Variants in PLAC1 observed in about 807,000 individuals in gnomAD.
The protein encoded by PLAC1 is placenta-specific protein 1.
For missense variants in PLAC1, 136 were observed against 163.2 expected (o/e 0.83, Z 0.91); for synonymous variants, 68 against 62.1 (o/e 1.09, Z -0.44).
At chrX:134,722,980 A>G in intron 2 of PLAC1, among the ~76,000 whole-genome samples, 1 of 94,491 alleles carries the variant, frequency 1.1e-5, no homozygotes, top group South Asian at 4.2e-4. Context: ...ACTTTGTCTC[A>G]AAAAAAAAAA....
intron 1 of PLAC1, among the ~76,000 whole-genome samples, chrX:134,738,651 C>A (rs1046529154): frequency 1.2e-4 from 13 of 112,506 alleles, no homozygotes; most frequent in Non-Finnish European, 3.8e-5. Flanking sequence ...CTGGAAAAGT[C>A]CCACCCCAAT....
chrX:134,633,426 C>T (rs777882421), intron 1 of PLAC1, among the ~76,000 whole-genome samples: 2 of 111,714 alleles, frequency 1.8e-5, no homozygotes, highest in East Asian at 2.8e-4. Context: ...TTCCAGTAGG[C>T]GTATAGTTGG....
chrX:134,630,937 C>G (rs751908103), intron 1 of PLAC1, among the ~76,000 whole-genome samples: 36 of 111,557 alleles, frequency 3.2e-4, no homozygotes, highest in African/African-American at 1.1e-3. Flanking sequence ...ACAGTGGGTA[C>G]TCAAAGAATA....
chrX:134,693,034 T>A (rs2078549590), intron 2 of PLAC1, among the ~76,000 whole-genome samples: 2 of 112,033 alleles, frequency 1.8e-5, no homozygotes, highest in Non-Finnish European at 3.8e-5. Context: ...GTAAAAAATC[T>A]CAAACAATTC....
intron 2 of PLAC1, among the ~76,000 whole-genome samples, chrX:134,673,260 G>A (rs1464417302): frequency 9.6e-6 from 1 of 103,647 alleles, no homozygotes; most frequent in African/African-American, 3.5e-5. Context: ...AGGGAGGGAA[G>A]GAGGGAGGGA....
intron 1 of PLAC1, among the ~76,000 whole-genome samples, chrX:134,624,819 G>T (rs1431603981): frequency 2.7e-5 from 3 of 110,762 alleles, no homozygotes. Flanking sequence ...TCAGAAAAAA[G>T]GTGTCAGCAT....
chrX:134,597,985 TAGTC>T (rs1219956185), intron 2 of PLAC1, among the ~76,000 whole-genome samples: 1 of 111,654 alleles, frequency 9.0e-6, no homozygotes, highest in East Asian at 2.8e-4. Context: ...TCAAGGTCCT[TAGTC>T]AGTCTATCTT....
chrX:134,686,903 G>A lies in PLAC1; in HGVS notation n.174+46532C>T, dbSNP rs111360989. ...GAAACCAATGGGATGAATTAATCCC[G>A]ACACAGAATTGGGTGGTAATGCAAG... On this transcript the variant is annotated intron_variant and non_coding_transcript_variant, in intron 2 of 2. Coordinates refer to the PLAC1 transcript ENST00000466797. Among the ~76,000 whole-genome samples the A allele has an allele frequency of 6.9e-3, 768 of 111,147 alleles. 3 individuals are homozygous for A. Among genetic ancestry groups the A allele is most frequent in the African/African-American group, 0.023 (703 of 30,567 alleles).
intron 1 of PLAC1, among the ~76,000 whole-genome samples, chrX:134,750,923 A>T (rs868576951): frequency 9.9e-5 from 2 of 20,235 alleles, no homozygotes; most frequent in East Asian, 2.5e-3. Flanking sequence ...ATATATATAT[A>T]TTTTTATATA....
chrX:134,570,672 C>T (rs984846488), intron 2 of PLAC1, among the ~76,000 whole-genome samples: 2 of 111,914 alleles, frequency 1.8e-5, no homozygotes, highest in African/African-American at 6.5e-5. Flanking sequence ...TGGTACACAG[C>T]GTCCTGAACT....
At chrX:134,573,354 A>G (rs1243750149) in intron 2 of PLAC1, among the ~76,000 whole-genome samples, 5 of 111,827 alleles carry the variant, frequency 4.5e-5, no homozygotes, top group African/African-American at 1.3e-4. Context: ...AGAAAACTAC[A>G]CCCTTTTCCA....
intron 2 of PLAC1, among the ~76,000 whole-genome samples, chrX:134,569,739 A>AGTGTGTGTGTGTGTGTGTGTGTGTGTGT (rs749953575): frequency 3.9e-4 from 28 of 72,149 alleles, no homozygotes; most frequent in South Asian, 1.0e-3. Context: ...AGGGTAGAGT[A>AGTGTGTGTGTGTGTGTGTGTGTGTGTGT]GTGTGTGTGT....
chrX:134,678,490 A>G (rs746457962), intron 2 of PLAC1, among the ~76,000 whole-genome samples: 3 of 111,504 alleles, frequency 2.7e-5, no homozygotes, highest in Non-Finnish European at 5.7e-5. Context: ...GATTTCCCTG[A>G]GCGCCCTATC....
intron 1 of PLAC1, among the ~76,000 whole-genome samples, chrX:134,623,562 CTCA>C (rs1432404153): frequency 8.0e-5 from 9 of 112,357 alleles, no homozygotes; most frequent in Non-Finnish European, 1.9e-5. Flanking sequence ...GGTTAATTAA[CTCA>C]CTGGAGGTAA....
At chrX:134,593,838 G>A (rs1037736967) in intron 2 of PLAC1, among the ~76,000 whole-genome samples, 1 of 111,704 alleles carries the variant, frequency 9.0e-6, no homozygotes, top group African/African-American at 3.2e-5. Flanking sequence ...AGACCATCAT[G>A]TCATCTGAAA....
chrX:134,743,368 C>T (rs2078721758), intron 1 of PLAC1, among the ~76,000 whole-genome samples: 1 of 111,637 alleles, frequency 9.0e-6, no homozygotes, highest in Non-Finnish European at 1.9e-5. Flanking sequence ...TAATTCAATT[C>T]CATCAGCATT....
chrX:134,576,014 C>T (rs1277067927), intron 2 of PLAC1, among the ~76,000 whole-genome samples: 1 of 108,151 alleles, frequency 9.2e-6, no homozygotes, highest in Non-Finnish European at 1.9e-5. Context: ...TTTCCCCCCA[C>T]TGGTAATCTA....
At chrX:134,617,931 G>A (rs1225313886) in intron 1 of PLAC1, among the ~76,000 whole-genome samples, 1 of 111,764 alleles carries the variant, frequency 8.9e-6, no homozygotes, top group African/African-American at 3.3e-5. Context: ...TGCAATAAGT[G>A]GCTTCTCCAG....
intron 2 of PLAC1, among the ~76,000 whole-genome samples, chrX:134,720,435 T>C (rs1455758375): frequency 4.5e-5 from 5 of 109,987 alleles, no homozygotes; most frequent in Admixed American, 9.7e-5. Context: ...ACGGATTCAG[T>C]GTAATCTCTA....
Sources: gnomAD v4.1 joint callset for allele counts (sites outside exome capture counted in the v4.1 genomes callset) on GRCh38, gnomAD v4.1.1 for gene constraint, MANE v1.5 for transcripts, NCBI Gene and HGNC (gene_info 2026-07-23, HGNC 2026-07-21) for gene names.